The following PKN2 variants were observed in gnomAD, a reference collection of about 807,000 sequenced individuals.
The protein encoded by PKN2 is protein kinase N2, also known as serine/threonine-protein kinase N2.
PKN2 carries 38 observed loss-of-function variants against 119.1 expected under a neutral mutation model. That is an observed-to-expected ratio of 0.32 (90% CI 0.25 to 0.42). PKN2 has a LOEUF of 0.42. Ranked by LOEUF, PKN2 falls within the 10% of genes least tolerant of loss-of-function variation. PKN2 has a pLI of 1.00. For missense variants in PKN2, 850 were observed against 1,165.1 expected (o/e 0.73, Z 3.94); for synonymous variants, 390 against 384.9 (o/e 1.01, Z -0.15).
Position 88,802,153 on chromosome 1 carries a change from A to G in PKN2, c.1282-2238A>G, listed in dbSNP as rs147963511. 4.4e-3 allele frequency among the ~76,000 whole-genome samples: 673 copies of G among 152,254 alleles called. 4 individuals are homozygous for G. Among genetic ancestry groups the G allele is most frequent in the African/African-American group, 0.016 (652 of 41,556 alleles). On this transcript the variant is annotated intron_variant, in intron 8 of 21. Transcript: ENST00000370521. ...ATAGGAGGCTTTAGAGTAAGGAGCT[A>G]TTATTCCTAGTGTCTTTTATTTTAT...
intron 1 of PKN2, among the ~76,000 whole-genome samples, chr1:88,693,178 T>C (rs954267698): frequency 6.6e-6 from 1 of 152,196 alleles, no homozygotes; most frequent in Non-Finnish European, 1.5e-5. Context: ...ATTAATAATA[T>C]TTTATTCTTT....
chr1:88,801,003 A>G (rs1458027450), intron 8 of PKN2, among the ~76,000 whole-genome samples: 1 of 152,140 alleles, frequency 6.6e-6, no homozygotes. Flanking sequence ...GTTTGAAATT[A>G]TCTAACAGCA....
intron 1 of PKN2, among the ~76,000 whole-genome samples, chr1:88,733,454 C>A (rs1359143856): frequency 1.3e-5 from 2 of 152,156 alleles, no homozygotes; most frequent in African/African-American, 4.8e-5. Flanking sequence ...AACATTTTTT[C>A]ATACACCTGT....
chr1:88,777,663 A>C (rs1391122582), intron 6 of PKN2, among the ~76,000 whole-genome samples: 1 of 152,138 alleles, frequency 6.6e-6, no homozygotes, highest in African/African-American at 2.4e-5. Flanking sequence ...ATAAAATTCT[A>C]AGCCACCCAA....
Position 88,722,806 on chromosome 1 carries a change from C to T in PKN2, c.49-18182C>T, listed in dbSNP as rs148537811. On this transcript the variant is annotated intron_variant, in intron 1 of 21. Transcript: ENST00000370521. ...TCAAAATAAAAAAAAAAAAAAGAAA[C>T]GAAAAAAATTATTGATTGACTGTGA... 2.6e-3 allele frequency among the ~76,000 whole-genome samples: 385 copies of T among 150,136 alleles called. 2 individuals are homozygous for T. The highest frequency in any genetic ancestry group is 8.9e-3 in the African/African-American group (365 of 40,924).
At chr1:88,796,836 T>A (rs1671087676) in intron 8 of PKN2, among the ~76,000 whole-genome samples, 1 of 152,180 alleles carries the variant, frequency 6.6e-6, no homozygotes, top group Admixed American at 6.5e-5. Context: ...TCTTTGTATC[T>A]CTATCACAGA....
chr1:88,747,458 G>A (rs1370316616), intron 2 of PKN2, among the ~76,000 whole-genome samples: 1 of 152,082 alleles, frequency 6.6e-6, no homozygotes, highest in Non-Finnish European at 1.5e-5. Flanking sequence ...GTTAGCTGAG[G>A]CTAAATGTAC....
intron 1 of PKN2, among the ~76,000 whole-genome samples, chr1:88,695,081 T>C (rs7542886): frequency 0.96 from 146,271 of 151,668 alleles, 70,757 homozygotes; most frequent in Middle Eastern, 1. Context: ...GAGCCGAGAT[T>C]GCGCCACTGC....
chr1:88,824,572 A>C (rs766557468), intron 18 of PKN2, among the ~76,000 whole-genome samples, 186 bp downstream of exon 18: 1 of 152,196 alleles, frequency 6.6e-6, no homozygotes, highest in East Asian at 1.9e-4. Flanking sequence ...TTGTTCTCTG[A>C]ATACAAATAA....
intron 8 of PKN2, among the ~76,000 whole-genome samples, chr1:88,803,441 A>G (rs1671412580): frequency 6.6e-6 from 1 of 152,192 alleles, no homozygotes; most frequent in Admixed American, 6.5e-5. Context: ...TAAAAGGAGA[A>G]ACATTTATCT....
At chr1:88,736,182 C>T (rs528727696) in intron 1 of PKN2, among the ~76,000 whole-genome samples, 14 of 152,110 alleles carry the variant, frequency 9.2e-5, no homozygotes, top group African/African-American at 3.4e-4. Context: ...TGTTTAATCT[C>T]TCATGTTTCT....
chr1:88,750,260 A>G (rs1668935036), intron 2 of PKN2, among the ~76,000 whole-genome samples: 2 of 152,184 alleles, frequency 1.3e-5, no homozygotes, highest in Admixed American at 1.3e-4. Context: ...CAAGAATTAA[A>G]CCATATTCCT....
chr1:88,812,771 C>T (rs1268259059), intron 15 of PKN2, among the ~76,000 whole-genome samples: 1 of 152,052 alleles, frequency 6.6e-6, no homozygotes, highest in Admixed American at 6.6e-5. Flanking sequence ...ATGAAGAGAA[C>T]ATATTTGTCA....
intron 1 of PKN2, among the ~76,000 whole-genome samples, chr1:88,714,692 T>A (rs1182399967): frequency 6.6e-6 from 1 of 152,204 alleles, no homozygotes; most frequent in Non-Finnish European, 1.5e-5. Context: ...TGGGGTTTTC[T>A]AAATATACAA....
At chr1:88,741,852 C>G (rs1668591360) in intron 2 of PKN2, among the ~76,000 whole-genome samples, 1 of 151,356 alleles carries the variant, frequency 6.6e-6, no homozygotes, top group Non-Finnish European at 1.5e-5. Context: ...AAAATATAAC[C>G]TATGATTTCA....
intron 8 of PKN2, among the ~76,000 whole-genome samples, chr1:88,794,862 C>T (rs1478743276): frequency 2.0e-5 from 3 of 152,060 alleles, no homozygotes; most frequent in Admixed American, 1.3e-4. Flanking sequence ...CCACAGCATC[C>T]TTTGACCTTA....
At chr1:88,743,468 A>C (rs1668652779) in intron 2 of PKN2, among the ~76,000 whole-genome samples, 1 of 152,204 alleles carries the variant, frequency 6.6e-6, no homozygotes, top group African/African-American at 2.4e-5. Flanking sequence ...TACCTCCTTT[A>C]AGTCCTATCA....
chr1:88,798,108 G>C (rs185702464), intron 8 of PKN2, among the ~76,000 whole-genome samples: 112 of 151,770 alleles, frequency 7.4e-4, no homozygotes, highest in Middle Eastern at 3.4e-3. Context: ...TAAATTGTTT[G>C]AGACAAAATA....
At position 88,813,593 on chromosome 1, in the gene PKN2, T is replaced by A. The variant is rs1198569288; in HGVS notation, c.2139T>A (p.Asn713Lys). ...AAAAAAGAATTTTTGAAACTGTGAATAGTGTAAGGCATCCCTTTTTGGTGA... is the reference window on the plus strand; with the variant it reads ...AAAAAAGAATTTTTGAAACTGTGAAAAGTGTAAGGCATCCCTTTTTGGTGA... ...MCEKRIFETVNSVRHPFLVNL... is the reference protein window; with the variant it reads ...MCEKRIFETVKSVRHPFLVNL... Residue 713 changes from asparagine to lysine, a missense_variant, in exon 16 of 22, where the codon AAT (asparagine) becomes AAA (lysine). By Grantham distance (94) the Asn-to-Lys change is moderately conservative. This residue lies in a region of PKN2 where 216 missense variants were observed against 252.8 expected (regional missense o/e 0.85). Transcript: ENST00000370521. The A allele has an allele frequency of 6.2e-7, 1 of 1,600,824 alleles. No homozygotes were observed. The highest frequency in any genetic ancestry group is 1.7e-5 in the Admixed American group (1 of 57,454).
Sources: allele counts gnomAD v4.1 joint callset (sites outside exome capture counted in the v4.1 genomes callset), GRCh38; gene constraint gnomAD v4.1.1; regional missense constraint gnomAD v4.1.1; transcripts MANE v1.5; gene names NCBI Gene and HGNC (gene_info 2026-07-23, HGNC 2026-07-21).